TMEM132B: variants seen among roughly 807,000 people sequenced by gnomAD.
TMEM132B encodes the protein transmembrane protein 132B.
A neutral mutation model predicts 90.8 loss-of-function variants in TMEM132B; 18 were observed. The observed-to-expected ratio is 0.20, with a 90% CI of 0.14 to 0.29. The LOEUF (loss-of-function observed/expected upper bound fraction) is 0.29, where lower values mean the gene tolerates loss of function less well. Ranked by LOEUF, TMEM132B falls within the 10% of genes least tolerant of loss-of-function variation. The pLI, the probability that TMEM132B is intolerant of heterozygous loss-of-function variation, is 1.00. For synonymous variants in TMEM132B, 504 were observed against 523.3 expected (o/e 0.96, Z 0.50); for missense variants, 1,096 against 1,326.8 (o/e 0.83, Z 2.70).
At chr12:125,342,130 C>T (rs1756585953) in intron 1 of TMEM132B, among the ~76,000 whole-genome samples, 1 of 152,194 alleles carries the variant, frequency 6.6e-6, no homozygotes, top group South Asian at 2.1e-4. Flanking sequence ...TGGATTCTGA[C>T]TTTTTATCTA....
intron 5 of TMEM132B, among the ~76,000 whole-genome samples, chr12:125,602,057 C>T (rs148321706): frequency 0.11 from 16,237 of 152,250 alleles, 1,160 homozygotes; most frequent in South Asian, 0.22. Flanking sequence ...GGTCCCATTC[C>T]TTCTGAAACT....
intron 4 of TMEM132B, among the ~76,000 whole-genome samples, chr12:125,553,003 T>C (rs1361487997): frequency 2.6e-5 from 4 of 152,264 alleles, no homozygotes; most frequent in Non-Finnish European, 5.9e-5. Context: ...TGCACACTGC[T>C]CATAGCATGT....
chr12:125,282,934 C>T (rs115090135), intron 1 of TMEM132B, among the ~76,000 whole-genome samples: 1,648 of 152,218 alleles, frequency 0.011, 32 homozygotes, highest in African/African-American at 0.038. Flanking sequence ...TTCTTTGGGA[C>T]GGCCCTCCAA....
intron 2 of TMEM132B, among the ~76,000 whole-genome samples, chr12:125,404,818 A>T (rs555629478): frequency 1.3e-5 from 2 of 152,146 alleles, no homozygotes; most frequent in Non-Finnish European, 2.9e-5. Flanking sequence ...TCTGCTAGGG[A>T]GGGAGGAATG....
chr12:125,495,408 C>T (rs548541187), intron 3 of TMEM132B, among the ~76,000 whole-genome samples: 1 of 152,190 alleles, frequency 6.6e-6, no homozygotes, highest in South Asian at 2.1e-4. Context: ...TGGATGGCCC[C>T]TCCTCCATGG....
chr12:125,336,942 A>G (rs1199438436), intron 1 of TMEM132B, among the ~76,000 whole-genome samples: 4 of 152,254 alleles, frequency 2.6e-5, no homozygotes. Context: ...TAGAATAAAT[A>G]TAAATGGAAA....
intron 2 of TMEM132B, among the ~76,000 whole-genome samples, chr12:125,383,989 C>T (rs1266319979): frequency 6.6e-6 from 1 of 152,156 alleles, no homozygotes; most frequent in Non-Finnish European, 1.5e-5. Flanking sequence ...CTCCATCACC[C>T]AGGCTGGAGT....
intron 5 of TMEM132B, chr12:125,622,399 A>C: frequency 4.6e-6 from 4 of 875,990 alleles, no homozygotes; most frequent in Non-Finnish European, 5.5e-6. Flanking sequence ...AGTAAGAATC[A>C]CAATAAGTCA....
chr12:125,597,746 C>A (rs1485348098), intron 5 of TMEM132B, among the ~76,000 whole-genome samples: 15 of 152,186 alleles, frequency 9.9e-5, no homozygotes, highest in Admixed American at 9.2e-4. Flanking sequence ...TCATTCCCCT[C>A]CAGTGTCCTT....
chr12:125,286,288 T>C (rs1387565458), intron 1 of TMEM132B, among the ~76,000 whole-genome samples: 1 of 152,232 alleles, frequency 6.6e-6, no homozygotes, highest in Non-Finnish European at 1.5e-5. Flanking sequence ...AGCCTTCTTC[T>C]GCCTTTGTGT....
chr12:125,519,298 C>T (rs111685962), intron 3 of TMEM132B, 141 bp from the exon 4 acceptor site: 13 of 849,884 alleles, frequency 1.5e-5, no homozygotes, highest in South Asian at 1.9e-5. Context: ...AATTAGGCTC[C>T]GACAACACTG....
chr12:125,469,491 A>G (rs765011813), intron 3 of TMEM132B, among the ~76,000 whole-genome samples: 31 of 152,164 alleles, frequency 2.0e-4, no homozygotes, highest in Admixed American at 2.6e-4. Context: ...AAATACATGA[A>G]CATTTGTGTT....
chr12:125,215,045 G>C (rs1036323350), intron 1 of TMEM132B, among the ~76,000 whole-genome samples: 14 of 152,190 alleles, frequency 9.2e-5, no homozygotes, highest in African/African-American at 3.4e-4. Context: ...TGAGGCTCAA[G>C]AAGTAACAGC....
chr12:125,515,176 TCA>T (rs1188552668), intron 3 of TMEM132B, among the ~76,000 whole-genome samples: 6 of 150,982 alleles, frequency 4.0e-5, no homozygotes, highest in East Asian at 2.0e-4. Context: ...TCTCCCACAC[TCA>T]CACACGCATT....
intron 3 of TMEM132B, among the ~76,000 whole-genome samples, chr12:125,440,807 C>T (rs1459132570): frequency 6.6e-6 from 1 of 152,088 alleles, no homozygotes; most frequent in Non-Finnish European, 1.5e-5. Flanking sequence ...ACTAAAAATA[C>T]ATATTTCAGG....
At chr12:125,539,740 C>G (rs1883904918) in intron 4 of TMEM132B, among the ~76,000 whole-genome samples, 1 of 152,118 alleles carries the variant, frequency 6.6e-6, no homozygotes, top group South Asian at 2.1e-4. Flanking sequence ...TGTCTTCTTT[C>G]TTTTGTTCCT....
intron 1 of TMEM132B, among the ~76,000 whole-genome samples, chr12:125,205,355 A>G (rs993891778): frequency 6.6e-6 from 1 of 150,986 alleles, no homozygotes; most frequent in Non-Finnish European, 1.5e-5. Context: ...AATTCTTTCA[A>G]TGAGAGCTCC....
intron 1 of TMEM132B, among the ~76,000 whole-genome samples, chr12:125,279,100 C>T (rs1378658013): frequency 6.6e-6 from 1 of 152,284 alleles, no homozygotes; most frequent in East Asian, 1.9e-4. Context: ...TTAACCATAC[C>T]TTTGCCATCC....
chr12:125,551,398 C>A (rs1592988341), intron 4 of TMEM132B, among the ~76,000 whole-genome samples: 1 of 152,042 alleles, frequency 6.6e-6, no homozygotes, highest in East Asian at 1.9e-4. Context: ...CAATAAAACC[C>A]TTTTGTTCTG....
Sources: allele counts gnomAD v4.1 joint callset (sites outside exome capture counted in the v4.1 genomes callset), GRCh38; gene constraint gnomAD v4.1.1; transcripts MANE v1.5; gene names NCBI Gene and HGNC (gene_info 2026-07-23, HGNC 2026-07-21).